Variants in DNAAF11 observed in about 807,000 individuals in gnomAD.
DNAAF11 encodes the protein dynein axonemal assembly factor 11, also known as leucine rich repeat containing 6.
A neutral mutation model predicts 60.8 loss-of-function variants in DNAAF11; 45 were observed. The observed-to-expected ratio is 0.74, with a 90% confidence interval of 0.58 to 0.95. The LOEUF is 0.95. Ranked by LOEUF, DNAAF11 falls within the 40% of genes least tolerant of loss-of-function variation. The pLI, the probability that DNAAF11 is intolerant of heterozygous loss-of-function variation, is 0.00. For missense variants in DNAAF11, 546 were observed against 546.2 expected, an observed-to-expected ratio of 1.00 and a Z score of 0.00; for synonymous variants, 191 against 183.5, an observed-to-expected ratio of 1.04 and a Z score of -0.33.
chr8:132,572,443 T>A lies in DNAAF11; in HGVS notation c.1264A>T (p.Lys422Ter). Residue 422 changes from lysine to a stop codon, truncating the protein, a stop_gained, in exon 12 of 12, where the codon AAG becomes TAG. Transcript: ENST00000620350. LOFTEE classifies it high-confidence loss of function. Reference sequence around the variant, plus strand: ...TTAGTCACATCAGGGAATGAGTGCTTGCTAGGGTCTACTTCTAGTTTCTCC... The same window carrying A: ...TTAGTCACATCAGGGAATGAGTGCTAGCTAGGGTCTACTTCTAGTTTCTCC... ...HMEKLEVDPS[K>*]HSFPDVTNIV... 6.2e-7 allele frequency: 1 copy of A among 1,610,796 alleles called. No individual in the cohort carries two copies. Among genetic ancestry groups the A allele is most frequent in the Non-Finnish European group, 8.5e-7 (1 of 1,178,354 alleles).
At chr8:132,678,754 A>C (rs968893502), upstream of DNAAF11, among the ~76,000 whole-genome samples, 2 of 150,370 alleles carry the variant, frequency 1.3e-5, no homozygotes, top group Non-Finnish European at 3.0e-5. Context: ...TTTATATAAA[A>C]ATAAATTTAT....
chr8:132,628,317 C>T (rs1405294714), intron 5 of DNAAF11, among the ~76,000 whole-genome samples: 1 of 151,880 alleles, frequency 6.6e-6, no homozygotes, highest in Non-Finnish European at 1.5e-5. Flanking sequence ...GAGGCTGAGG[C>T]AAAAGAATCG....
At chr8:132,585,855 A>G (rs1029307075) in intron 10 of DNAAF11, among the ~76,000 whole-genome samples, 1 of 152,122 alleles carries the variant, frequency 6.6e-6, no homozygotes, top group Non-Finnish European at 1.5e-5. Context: ...ATATTTGTGG[A>G]TGTTACTTTG....
Position 132,648,434 on chromosome 8 carries a change from C to T in DNAAF11, c.256+8396G>A, listed in dbSNP as rs529680516. ...AATGGGCAAAAACTGGAAGCATTCC[C>T]TTTGAAAACTGGCACAAGACAGGGA... On this transcript the variant is annotated intron_variant, in intron 3 of 11. Coordinates refer to ENST00000620350, the MANE Select transcript of DNAAF11 (RefSeq NM_012472.6). Among the ~76,000 whole-genome samples, 4 of 152,262 alleles carry T rather than the reference C, an allele frequency of 2.6e-5. No individual in the cohort carries two copies. The East Asian group carries it at 5.8e-4, about 22-fold the overall frequency.
chr8:132,648,043 A>G (rs1475632714), intron 3 of DNAAF11, among the ~76,000 whole-genome samples: 2 of 152,216 alleles, frequency 1.3e-5, no homozygotes, highest in East Asian at 3.8e-4. Flanking sequence ...AAAGCCTGGC[A>G]GAGACACAAC....
At chr8:132,608,439 A>C in intron 10 of DNAAF11, 1 of 437,314 alleles carries the variant, frequency 2.3e-6, no homozygotes, top group Non-Finnish European at 4.6e-6. Context: ...TATTATTTTC[A>C]TGTGAAAAAT....
At chr8:132,682,026 T>C in the DNAAF11 span, among the ~76,000 whole-genome samples, 1 of 152,234 alleles carries the variant, frequency 6.6e-6, no homozygotes, top group Non-Finnish European at 1.5e-5. Context: ...TAGTAAGTGC[T>C]TGATACATCT....
intron 10 of DNAAF11, among the ~76,000 whole-genome samples, chr8:132,589,156 T>G (rs1189753489): frequency 6.6e-6 from 1 of 152,110 alleles, no homozygotes; most frequent in Non-Finnish European, 1.5e-5. Flanking sequence ...ATATGAATTT[T>G]AAAGGATAAG....
chr8:132,694,938 C>A, the DNAAF11 span, among the ~76,000 whole-genome samples: 2 of 151,882 alleles, frequency 1.3e-5, no homozygotes. Flanking sequence ...GGAAGAATTA[C>A]CAAAAGAGAT....
rs144906412 is a variant in DNAAF11, at chr8:132,579,269, G to A, written c.1226+4425C>T. ...TGTGCACTGGTTACCAACTTGCCAGGGTCCAGTAAAACAGAACACCCCCAT... is the reference window on the plus strand; with the variant it reads ...TGTGCACTGGTTACCAACTTGCCAGAGTCCAGTAAAACAGAACACCCCCAT... On this transcript the variant is annotated intron_variant, in intron 11 of 11. Transcript: ENST00000620350. Among the ~76,000 whole-genome samples the A allele has an allele frequency of 4.9e-3, 741 of 152,164 alleles. 12 individuals are homozygous for A. The highest frequency in any genetic ancestry group is 0.017 in the African/African-American group (713 of 41,496).
intron 4 of DNAAF11, among the ~76,000 whole-genome samples, chr8:132,634,516 A>G (rs1821102923): frequency 6.6e-6 from 1 of 152,106 alleles, no homozygotes; most frequent in Admixed American, 6.6e-5. Context: ...CTATTATTTA[A>G]GGCATTAAGT....
At chr8:132,596,057 G>C (rs1156714045) in intron 10 of DNAAF11, among the ~76,000 whole-genome samples, 3 of 152,166 alleles carry the variant, frequency 2.0e-5, no homozygotes, top group African/African-American at 7.2e-5. Flanking sequence ...GGATGACTAT[G>C]GGAGGAGCAG....
chr8:132,580,842 G>C (rs1365428593), intron 11 of DNAAF11, among the ~76,000 whole-genome samples: 1 of 152,144 alleles, frequency 6.6e-6, no homozygotes, highest in African/African-American at 2.4e-5. Context: ...AAATTGCTTG[G>C]TTGATTCTGA....
chr8:132,621,792 C>T (rs1202542667), intron 7 of DNAAF11, among the ~76,000 whole-genome samples: 1 of 152,132 alleles, frequency 6.6e-6, no homozygotes, highest in Admixed American at 6.5e-5. Flanking sequence ...GAAACACCAC[C>T]TATTAGCTGT....
At chr8:132,658,624 T>C (rs1161864156) in intron 2 of DNAAF11, among the ~76,000 whole-genome samples, 1 of 152,150 alleles carries the variant, frequency 6.6e-6, no homozygotes, top group Non-Finnish European at 1.5e-5. Flanking sequence ...CCCAGCAGAT[T>C]TGGAGGTTTC....
At chr8:132,592,638 T>C (rs1384718077) in intron 10 of DNAAF11, among the ~76,000 whole-genome samples, 1 of 152,154 alleles carries the variant, frequency 6.6e-6, no homozygotes, top group Non-Finnish European at 1.5e-5. Flanking sequence ...TCTGCATTTT[T>C]GGAAGGTTGC....
In DNAAF11 at chr8:132,649,117, A is replaced by T. The variant is rs1324793156; in HGVS notation, c.256+7713T>A. ...GCATCACACTACCTGACTTCAAACT[A>T]TACTACAAGGCTACAGTAACCAAAA... On this transcript the variant is annotated intron_variant, in intron 3 of 11. Coordinates refer to ENST00000620350, the MANE Select transcript of DNAAF11 (RefSeq NM_012472.6). Among the ~76,000 whole-genome samples the T allele has an allele frequency of 2.6e-5, 4 of 152,230 alleles. No individual in the cohort carries two copies. The East Asian group carries it at 5.8e-4, about 22-fold the overall frequency.
chr8:132,652,007 T>C (rs1823064932), intron 3 of DNAAF11, among the ~76,000 whole-genome samples: 1 of 152,246 alleles, frequency 6.6e-6, no homozygotes, highest in Non-Finnish European at 1.5e-5. Flanking sequence ...TGTAGATTTA[T>C]GTAATTGTTA....
At chr8:132,670,963 G>A (rs539863824) in intron 1 of DNAAF11, among the ~76,000 whole-genome samples, 183 of 152,202 alleles carry the variant, frequency 1.2e-3, no homozygotes, top group African/African-American at 4.2e-3. Flanking sequence ...AACTTGACAA[G>A]GAGCATCCAC....
Sources: gnomAD v4.1 joint callset for allele counts (sites outside exome capture counted in the v4.1 genomes callset) on GRCh38, gnomAD v4.1.1 for gene constraint, MANE v1.5 for transcripts, NCBI Gene and HGNC (gene_info 2026-07-23, HGNC 2026-07-21) for gene names.